MYT1L: variants seen among roughly 807,000 people sequenced by gnomAD.
MYT1L encodes myelin transcription factor 1 like.
MYT1L carries 12 observed loss-of-function variants against 126.7 expected under a neutral mutation model. The observed-to-expected ratio is 0.09, with a 90% CI of 0.06 to 0.15. The LOEUF is 0.15. Ranked by LOEUF, MYT1L falls within the 10% of genes least tolerant of loss-of-function variation. The probability of loss-of-function intolerance (pLI) is 1.00; values close to 1 mark genes in which losing one functional copy is unlikely to be tolerated. For synonymous variants in MYT1L, 541 were observed against 604.2 expected, an observed-to-expected ratio of 0.90 and a Z score of 1.53; for missense variants, 979 against 1,585.2, an observed-to-expected ratio of 0.62 and a Z score of 6.49.
intron 8 of MYT1L, among the ~76,000 whole-genome samples, chr2:1,946,218 A>G (rs1338876876): frequency 6.6e-6 from 1 of 151,874 alleles, no homozygotes; most frequent in African/African-American, 2.4e-5. Context: ...ACTGTCTCCC[A>G]TCACACCCAG....
At chr2:2,154,692 T>C (rs901834534) in intron 3 of MYT1L, among the ~76,000 whole-genome samples, 10 of 152,062 alleles carry the variant, frequency 6.6e-5, no homozygotes, top group African/African-American at 1.9e-4. Context: ...TAGAGAGTGA[T>C]AGGAGGGAGA....
chr2:1,903,450 G>A (rs1248925008), intron 13 of MYT1L, among the ~76,000 whole-genome samples, 156 bp from the exon 14 acceptor site: 1 of 152,122 alleles, frequency 6.6e-6, no homozygotes, highest in Non-Finnish European at 1.5e-5. Context: ...CTGAATAAAA[G>A]ACAAAATGTC....
At chr2:1,863,533 G>A (rs529845131) in intron 18 of MYT1L, among the ~76,000 whole-genome samples, 5 of 139,620 alleles carry the variant, frequency 3.6e-5, no homozygotes, top group African/African-American at 1.3e-4. Flanking sequence ...TGACAGCCAC[G>A]CTTGCAGAGT....
At chr2:2,200,990 T>C (rs972642814) in intron 2 of MYT1L, among the ~76,000 whole-genome samples, 10 of 152,226 alleles carry the variant, frequency 6.6e-5, no homozygotes, top group African/African-American at 2.4e-4. Context: ...CATTAATCTT[T>C]ACTCAGTAAG....
intron 1 of MYT1L, among the ~76,000 whole-genome samples, chr2:2,287,591 A>T (rs2149441904): frequency 6.6e-6 from 1 of 152,338 alleles, no homozygotes; most frequent in South Asian, 2.1e-4. Flanking sequence ...AGGAGCACAG[A>T]GTGACTTTCT....
chr2:1,835,062 C>T (rs1451927462), intron 21 of MYT1L, among the ~76,000 whole-genome samples: 1 of 139,824 alleles, frequency 7.2e-6, no homozygotes, highest in Non-Finnish European at 1.6e-5. Context: ...GGGATGGATA[C>T]AGGTGCTCCT....
intron 3 of MYT1L, among the ~76,000 whole-genome samples, chr2:2,150,314 G>C (rs2085546327): frequency 6.6e-6 from 1 of 152,196 alleles, no homozygotes; most frequent in Non-Finnish European, 1.5e-5. Context: ...GTCTTCACAT[G>C]TATGGGCAAT....
chr2:2,160,516 G>A (rs968952957), intron 3 of MYT1L, among the ~76,000 whole-genome samples: 7 of 152,200 alleles, frequency 4.6e-5, no homozygotes, highest in Non-Finnish European at 8.8e-5. Context: ...AAGCCATGAG[G>A]TGAGAGGGTT....
intron 14 of MYT1L, among the ~76,000 whole-genome samples, chr2:1,896,699 T>C (rs2049620351): frequency 6.6e-6 from 1 of 151,202 alleles, no homozygotes; most frequent in African/African-American, 2.4e-5. Flanking sequence ...GAGAGGGGAG[T>C]GGGTTGGAGA....
chr2:1,792,247 T>TA, intron 24 of MYT1L, 74 bp downstream of exon 24: 2 of 1,474,224 alleles, frequency 1.4e-6, no homozygotes, highest in Non-Finnish European at 1.8e-6. Flanking sequence ...AAAATAACGA[T>TA]AAAAACGGCA....
At chr2:2,001,254 CT>C (rs1187430723) in intron 4 of MYT1L, among the ~76,000 whole-genome samples, 56 of 67,610 alleles carry the variant, frequency 8.3e-4, no homozygotes, top group East Asian at 4.4e-3. Context: ...TTTTTTTTTG[CT>C]TTTTTTTTTT....
chr2:1,988,413 C>T (rs2061216983), intron 5 of MYT1L, among the ~76,000 whole-genome samples: 2 of 152,218 alleles, frequency 1.3e-5, no homozygotes, highest in Admixed American at 1.3e-4. Context: ...CAGTATCCTC[C>T]GTCTACTCTG....
At chr2:2,220,161 C>T (rs376104228) in intron 2 of MYT1L, among the ~76,000 whole-genome samples, 1 of 152,240 alleles carries the variant, frequency 6.6e-6, no homozygotes, top group East Asian at 1.9e-4. Flanking sequence ...TATGAGTGAC[C>T]ATGGCACGTG....
At chr2:1,953,370 A>T (rs1044770729) in intron 8 of MYT1L, among the ~76,000 whole-genome samples, 1 of 152,156 alleles carries the variant, frequency 6.6e-6, no homozygotes, top group Non-Finnish European at 1.5e-5. Flanking sequence ...CCCATTTTCC[A>T]TCATTCTCAT....
rs184263525 is a variant in MYT1L at position 2,301,366 on chromosome 2, G to A, written c.-520-16863C>T. ...CTCCTATATACCTTAGTTCACATAC[G>A]TAGGTAGACACATTCATTTTTTCAT... is the stretch of plus-strand genomic sequence containing the variant. On this transcript the variant is annotated intron_variant, in intron 1 of 24. Coordinates refer to ENST00000647738, the MANE Select transcript of MYT1L (RefSeq NM_001303052.2). 2.8e-3 allele frequency among the ~76,000 whole-genome samples: 432 copies of A among 152,156 alleles called. 2 individuals carry two copies. Among genetic ancestry groups the A allele is most frequent in the African/African-American group, 4.8e-3 (201 of 41,502 alleles).
intron 21 of MYT1L, among the ~76,000 whole-genome samples, chr2:1,819,823 C>T (rs1486694346): frequency 6.6e-6 from 1 of 152,162 alleles, no homozygotes; most frequent in African/African-American, 2.4e-5. Context: ...CTGGGTGCAA[C>T]CAAGGGGCAG....
intron 13 of MYT1L, among the ~76,000 whole-genome samples, chr2:1,907,144 C>A (rs373548835): frequency 5.1e-4 from 73 of 142,412 alleles, no homozygotes; most frequent in Non-Finnish European, 8.3e-4. Context: ...AAAAAAAAAA[C>A]AAAAGACCAT....
chr2:2,217,792 A>G (rs1271154967), intron 2 of MYT1L, among the ~76,000 whole-genome samples: 1 of 151,542 alleles, frequency 6.6e-6, no homozygotes, highest in African/African-American at 2.4e-5. Context: ...ATTTAACACT[A>G]TCCAACATCC....
chr2:2,074,469 T>C (rs1250982930), intron 3 of MYT1L, among the ~76,000 whole-genome samples: 1 of 152,136 alleles, frequency 6.6e-6, no homozygotes, highest in Non-Finnish European at 1.5e-5. Context: ...GTACAATAAA[T>C]TGTAGATAAT....
Sources: gnomAD v4.1 joint callset for allele counts (sites outside exome capture counted in the v4.1 genomes callset) on GRCh38, gnomAD v4.1.1 for gene constraint, MANE v1.5 for transcripts, NCBI Gene and HGNC (gene_info 2026-07-23, HGNC 2026-07-21) for gene names.